Variants in IGSF10 observed in about 807,000 individuals in gnomAD.
The protein encoded by IGSF10 is immunoglobulin superfamily member 10, also known as calvaria mechanical force protein 608.
IGSF10 carries 126 observed loss-of-function variants against 128.2 expected under a neutral mutation model. That is an observed-to-expected ratio of 0.98 (90% CI 0.85 to 1.14). The LOEUF (loss-of-function observed/expected upper bound fraction) is 1.14, where lower values mean the gene tolerates loss of function less well. IGSF10 is among the 50% of genes most tolerant of loss of function. The pLI is 0.00. For missense variants in IGSF10, 3,295 were observed against 3,149.8 expected, an observed-to-expected ratio of 1.05 and a Z score of -1.10; for synonymous variants, 1,185 against 1,146.2, an observed-to-expected ratio of 1.03 and a Z score of -0.68.
At chr3:151,612,836 C>A in the IGSF10 span, among the ~76,000 whole-genome samples, 3 of 152,066 alleles carry the variant, frequency 2.0e-5, no homozygotes, top group Non-Finnish European at 4.4e-5. Context: ...ACTCTGCCAA[C>A]AAGCATATGA....
chr3:151,604,908 T>C, the IGSF10 span, among the ~76,000 whole-genome samples: 1 of 152,212 alleles, frequency 6.6e-6, no homozygotes, highest in Non-Finnish European at 1.5e-5. Flanking sequence ...TACATAACTT[T>C]GTTTTATGTG....
chr3:151,519,409 A>G, the IGSF10 span, among the ~76,000 whole-genome samples: 1 of 151,710 alleles, frequency 6.6e-6, no homozygotes, highest in African/African-American at 2.4e-5. Flanking sequence ...TTTCCTCATC[A>G]TTTTTGTGTT....
the IGSF10 span, among the ~76,000 whole-genome samples, chr3:151,518,071 TAA>T: frequency 2.6e-5 from 4 of 152,098 alleles, no homozygotes; most frequent in South Asian, 8.3e-4. Context: ...GGGTAATTGT[TAA>T]ATCAAGGTTA....
the IGSF10 span, among the ~76,000 whole-genome samples, chr3:151,476,355 T>C: frequency 5.9e-3 from 891 of 152,148 alleles, 13 homozygotes; most frequent in African/African-American, 0.021. Context: ...ACATGCTGTT[T>C]TAATGAGCGC....
chr3:151,496,503 A>G, the IGSF10 span, among the ~76,000 whole-genome samples: 16 of 137,078 alleles, frequency 1.2e-4, no homozygotes, highest in East Asian at 8.7e-4. Flanking sequence ...AGCTTCATCC[A>G]TGTCCCTACA....
intron 4 of IGSF10, among the ~76,000 whole-genome samples, chr3:151,454,019 CTTTTTTTT>C (rs142736294): frequency 2.4e-5 from 3 of 126,664 alleles, no homozygotes; most frequent in Non-Finnish European, 3.3e-5. Flanking sequence ...TTTTCTTTTT[CTTTTTTTT>C]TTTTTTTTGA....
At position 151,436,873 on chromosome 3, in the gene IGSF10, T is replaced by C; in HGVS notation, c.7688A>G (p.Glu2563Gly). ...LGVPKPEITW[E>G]MPDHSLLSTA... ...TGAGAGAAGGGAGTGGTCAGGCATC[T>C]CCCATGTGATTTCTGGCTTGGGAAC... The change falls in exon 8 of 8, where the codon GAG becomes GGG. Residue 2563 changes from glutamate to glycine, a missense_variant. Physicochemically the swap from Glu to Gly is moderately conservative, Grantham distance 98. Transcript: ENST00000282466. The C allele has an allele frequency of 1.2e-6, 2 of 1,614,136 alleles. No homozygotes were observed. The highest frequency in any genetic ancestry group is 2.2e-5 in the East Asian group (1 of 44,864).
At chr3:151,510,251 C>T in the IGSF10 span, among the ~76,000 whole-genome samples, 34 of 152,194 alleles carry the variant, frequency 2.2e-4, no homozygotes, top group African/African-American at 7.0e-4. Flanking sequence ...ACACCTCACA[C>T]GGCCGGGTAC....
At chr3:151,587,122 T>C in the IGSF10 span, among the ~76,000 whole-genome samples, 3 of 152,184 alleles carry the variant, frequency 2.0e-5, no homozygotes, top group Non-Finnish European at 2.9e-5. Flanking sequence ...TCACAACTTA[T>C]GGCAATTCAT....
At chr3:151,534,355 G>A in the IGSF10 span, among the ~76,000 whole-genome samples, 81 of 152,108 alleles carry the variant, frequency 5.3e-4, no homozygotes, top group African/African-American at 1.8e-3. Flanking sequence ...ACATGCACAT[G>A]TATGTTTATT....
At chr3:151,497,764 G>A in the IGSF10 span, among the ~76,000 whole-genome samples, 5 of 152,058 alleles carry the variant, frequency 3.3e-5, no homozygotes, top group Admixed American at 6.6e-5. Flanking sequence ...GAATTACTTT[G>A]GGCAGTATGG....
chr3:151,481,465 C>A, the IGSF10 span, among the ~76,000 whole-genome samples: 6 of 152,160 alleles, frequency 3.9e-5, no homozygotes, highest in Non-Finnish European at 2.9e-5. Flanking sequence ...GCCTGAGGCT[C>A]TGAAGCATCC....
chr3:151,479,881 T>G, the IGSF10 span, among the ~76,000 whole-genome samples: 1 of 152,110 alleles, frequency 6.6e-6, no homozygotes, highest in African/African-American at 2.4e-5. Context: ...TACCAGGCAG[T>G]CTATAGAAAC....
chr3:151,486,872 A>G, the IGSF10 span, among the ~76,000 whole-genome samples: 259 of 152,352 alleles, frequency 1.7e-3, 6 homozygotes, highest in East Asian at 0.045. Flanking sequence ...AATGCCCACA[A>G]GCGAAAGCAT....
the IGSF10 span, among the ~76,000 whole-genome samples, chr3:151,523,491 T>C: frequency 1.3e-4 from 19 of 151,984 alleles, no homozygotes; most frequent in African/African-American, 4.6e-4. Flanking sequence ...TGGAACAGAA[T>C]AGCAAGCCCA....
At chr3:151,461,947 T>C (rs1722077000), upstream of IGSF10, among the ~76,000 whole-genome samples, 1 of 152,210 alleles carries the variant, frequency 6.6e-6, no homozygotes, top group African/African-American at 2.4e-5. Flanking sequence ...TATTACATCG[T>C]ATATAGATGT....
chr3:151,467,710 C>G, the IGSF10 span, among the ~76,000 whole-genome samples: 1 of 151,712 alleles, frequency 6.6e-6, no homozygotes, highest in Non-Finnish European at 1.5e-5. Context: ...CAGTGAAACC[C>G]CGTCTCTACT....
the IGSF10 span, among the ~76,000 whole-genome samples, chr3:151,595,253 C>T: frequency 4.6e-5 from 7 of 151,936 alleles, no homozygotes; most frequent in Non-Finnish European, 1.0e-4. Context: ...ACCCAGTAAT[C>T]CCCCTCTTCT....
At chr3:151,523,905 G>A in the IGSF10 span, among the ~76,000 whole-genome samples, 1 of 152,062 alleles carries the variant, frequency 6.6e-6, no homozygotes, top group Non-Finnish European at 1.5e-5. Flanking sequence ...TGTAAACCTT[G>A]TATCTGACAA....
Sources: allele counts gnomAD v4.1 joint callset (sites outside exome capture counted in the v4.1 genomes callset), GRCh38; gene constraint gnomAD v4.1.1; transcripts MANE v1.5; gene names NCBI Gene and HGNC (gene_info 2026-07-23, HGNC 2026-07-21).